The following RRP1 variants were observed in gnomAD, a reference collection of about 807,000 sequenced individuals.
The protein encoded by RRP1 is ribosomal RNA processing 1.
Under a neutral mutation model 54.6 loss-of-function variants are expected in RRP1, and 37 were observed. The observed-to-expected ratio is 0.68, with a 90% CI of 0.52 to 0.89. The LOEUF is 0.89. RRP1 is among the 40% of genes least tolerant of loss of function. The probability of loss-of-function intolerance (pLI) is 0.00; values close to 1 mark genes in which losing one functional copy is unlikely to be tolerated. For missense variants in RRP1, 639 were observed against 612.5 expected (o/e 1.04, Z -0.46); for synonymous variants, 262 against 244.3 (o/e 1.07, Z -0.67).
rs772094375 is a variant in RRP1, at chr21:43,802,361, G to A, written c.1097G>A (p.Arg366His). The A allele has an allele frequency of 2.7e-5, 44 of 1,613,822 alleles. No individual in the cohort carries two copies. Among genetic ancestry groups the A allele is most frequent in the Admixed American group, 6.7e-5 (4 of 60,008 alleles). Reference protein sequence around the residue: ...RRQKKTKKQKRLLRLQQERGK... With the variant: ...RRQKKTKKQKHLLRLQQERGK... ...CAGAAGAAGACGAAGAAGCAGAAGC[G>A]TCTGCTCAGGTTGCAGCAGGAGAGA... The change falls in exon 12 of 13, where the codon CGT becomes CAT. Residue 366 changes from arginine to histidine, a missense_variant. Transcript: ENST00000497547.
chr21:43,797,683 C>T lies in RRP1; in HGVS notation c.605C>T (p.Ala202Val), dbSNP rs1418904506. Residue 202 changes from alanine to valine, a missense_variant, in exon 7 of 13, where the codon GCC (alanine) becomes GTC (valine). Physicochemically the swap from Ala to Val is moderately conservative, Grantham distance 64 (BLOSUM62 0). Transcript: ENST00000497547. ...ATCGACCCCTTCTGCAGAATTGCTGCCCGGACCAAGGAGTAAGTGGTGGGT... is the reference window on the plus strand; with the variant it reads ...ATCGACCCCTTCTGCAGAATTGCTGTCCGGACCAAGGAGTAAGTGGTGGGT... ...KFIDPFCRIAARTKDSLVLNN... is the reference protein window; with the variant it reads ...KFIDPFCRIAVRTKDSLVLNN... The T allele has an allele frequency of 6.2e-7, 1 of 1,613,740 alleles. No homozygotes were observed. The highest frequency in any genetic ancestry group is 1.3e-5 in the African/African-American group (1 of 74,914).
chr21:43,791,897 T>C (rs1476168118), intron 2 of RRP1, among the ~76,000 whole-genome samples: 2 of 152,136 alleles, frequency 1.3e-5, no homozygotes, highest in South Asian at 2.1e-4. Context: ...GGGCCTTTGT[T>C]AGGTGAGTCT....
chr21:43,797,709 G>T lies in RRP1; in HGVS notation c.617+14G>T. 1 of 1,612,844 alleles carries T rather than the reference G, an allele frequency of 6.2e-7. No homozygotes were observed. The highest frequency in any genetic ancestry group is 8.5e-7 in the Non-Finnish European group (1 of 1,179,714). ...CCGGACCAAGGAGTAAGTGGTGGGT[G>T]GCCTGATCGGGCCCGACTCCTTCAC... On this transcript the variant is annotated intron_variant, in intron 7 of 12. Coordinates refer to ENST00000497547, the MANE Select transcript of RRP1 (RefSeq NM_003683.6).
chr21:43,797,779 G>T lies in RRP1; in HGVS notation c.617+84G>T, dbSNP rs1273427128. 4.4e-6 allele frequency: 7 copies of T among 1,581,788 alleles called. No individual in the cohort carries two copies. The African/African-American group carries it at 8.1e-5, about 18-fold the overall frequency. On this transcript the variant is annotated intron_variant, in intron 7 of 12. Coordinates refer to ENST00000497547, the MANE Select transcript of RRP1 (RefSeq NM_003683.6). ...GCTGTTGTGGGGGTGCTGCTCCCTC[G>T]AGGGATGAATCTGTCTCAGAGTGGC... is the stretch of plus-strand genomic sequence containing the variant.
intron 11 of RRP1, among the ~76,000 whole-genome samples, chr21:43,801,525 C>T (rs1018513104): frequency 4.6e-5 from 7 of 152,142 alleles, no homozygotes; most frequent in Non-Finnish European, 5.9e-5. Context: ...CCCAGGATGG[C>T]GTGCAGTGGT....
chr21:43,795,275 G>C lies in RRP1; in HGVS notation c.422+25G>C, dbSNP rs553794582. The C allele has an allele frequency of 1.1e-4, 185 of 1,611,804 alleles. 1 individual carries two copies. The highest frequency in any genetic ancestry group is 9.3e-4 in the South Asian group (85 of 91,026). On this transcript the variant is annotated intron_variant, in intron 5 of 12. Coordinates refer to ENST00000497547, the MANE Select transcript of RRP1 (RefSeq NM_003683.6). The stretch of plus-strand genomic sequence containing the variant: ...GGTGGGTGCGCGGCGGGCCTGCTCT[G>C]GGGGGACGCTGTTCTCGGGGACCGC...
chr21:43,799,436 T>TCTCCATTCCC (rs2085059537), intron 8 of RRP1, 134 bp from the exon 9 acceptor site: 1 of 824,964 alleles, frequency 1.2e-6, no homozygotes, highest in Non-Finnish European at 2.0e-6. Context: ...CAGGGTGGGC[T>TCTCCATTCCC]GTCCGTTCCC....
chr21:43,789,612 G>A lies in RRP1; in HGVS notation c.-18G>A, dbSNP rs200848950. On this transcript the variant is annotated 5_prime_UTR_variant, in exon 1 of 13. Transcript: ENST00000497547. Reference sequence around the variant, plus strand: ...GTACCAGGCGACTCCGGGACAGGGGGTCTCGGCCGTCGGCGTCATGGTTTC... The same window carrying A: ...GTACCAGGCGACTCCGGGACAGGGGATCTCGGCCGTCGGCGTCATGGTTTC... 3.2e-4 allele frequency: 508 copies of A among 1,585,594 alleles called. 1 individual carries two copies. In the African/African-American group the frequency reaches 6.3e-3, roughly 20 times the overall value.
At chr21:43,790,918 T>C in intron 1 of RRP1, 1 of 446,796 alleles carries the variant, frequency 2.2e-6, no homozygotes, top group South Asian at 1.6e-5. Flanking sequence ...TCTCGTAGTC[T>C]GAATGCCTGA....
intron 12 of RRP1, 57 bp downstream of exon 12, chr21:43,802,444 C>A: frequency 7.0e-7 from 1 of 1,431,188 alleles, no homozygotes. Context: ...CTTGCTTCTC[C>A]CCTGGATGGG....
At chr21:43,792,342 G>A (rs911216960) in intron 2 of RRP1, among the ~76,000 whole-genome samples, 6 of 152,180 alleles carry the variant, frequency 3.9e-5, no homozygotes, top group African/African-American at 1.2e-4. Context: ...GCTCCCTTCC[G>A]CTCTCCCACG....
At chr21:43,794,106 G>A (rs1324204396) in intron 4 of RRP1, among the ~76,000 whole-genome samples, 1 of 152,186 alleles carries the variant, frequency 6.6e-6, no homozygotes, top group East Asian at 1.9e-4. Context: ...GAGGACAGAT[G>A]TTGATCTGCC....
chr21:43,799,006 G>A (rs542678233), intron 8 of RRP1, among the ~76,000 whole-genome samples: 1 of 149,234 alleles, frequency 6.7e-6, no homozygotes, highest in African/African-American at 2.5e-5. Flanking sequence ...TGGCAGGTCC[G>A]CTAGTGCCTG....
intron 5 of RRP1, 197 bp from the exon 6 acceptor site, chr21:43,797,225 C>T (rs1483190102): frequency 1.2e-6 from 1 of 818,712 alleles, no homozygotes; most frequent in African/African-American, 1.7e-5. Flanking sequence ...TCCCTAACTG[C>T]AAGACTGCCT....
rs2085044769 is a variant in RRP1, at chr21:43,798,239, G to A, written c.811+139G>A. 9.6e-5 allele frequency: 70 copies of A among 727,674 alleles called. 2 individuals are homozygous for A. The South Asian group carries it at 1.4e-3, about 14-fold the overall frequency. 45.1% of individuals were successfully genotyped at this position (727,674 alleles called of 1,614,324 possible). A position where few individuals can be genotyped will look rare whatever the true frequency, so the allele number is the denominator to read the frequency against. On this transcript the variant is annotated intron_variant, in intron 8 of 12. Coordinates refer to ENST00000497547, the MANE Select transcript of RRP1 (RefSeq NM_003683.6). Reference sequence around the variant, plus strand: ...CTCTCCACAGTCCATCCTCAGCATAGAAGCCAGAGTGACTTCTGTGGGCAC... The same window carrying A: ...CTCTCCACAGTCCATCCTCAGCATAAAAGCCAGAGTGACTTCTGTGGGCAC...
intron 4 of RRP1, among the ~76,000 whole-genome samples, chr21:43,793,798 C>A (rs1187050861): frequency 6.6e-6 from 1 of 152,194 alleles, no homozygotes; most frequent in African/African-American, 2.4e-5. Flanking sequence ...GCCTGCGAGG[C>A]TGGGATGGAT....
At chr21:43,789,838 C>CT (rs2084938330) in intron 1 of RRP1, 76 bp downstream of exon 1, 1 of 1,401,240 alleles carries the variant, frequency 7.1e-7, no homozygotes. Flanking sequence ...GCGGCCGGAG[C>CT]TGGGGGCCCT....
intron 9 of RRP1, among the ~76,000 whole-genome samples, chr21:43,800,100 A>G (rs961962687): frequency 1.3e-5 from 2 of 152,238 alleles, no homozygotes; most frequent in Non-Finnish European, 2.9e-5. Context: ...GGAAACTTAA[A>G]TGTTTTAAGT....
At position 43,800,562 on chromosome 21, in the gene RRP1, C is replaced by A; in HGVS notation, c.937C>A (p.Arg313Ser). 1 of 1,614,266 alleles carries A rather than the reference C, an allele frequency of 6.2e-7. No homozygotes were observed. Among genetic ancestry groups the A allele is most frequent in the Non-Finnish European group, 8.5e-7 (1 of 1,180,048 alleles). The part of the protein sequence containing the change: ...VANRLFEMAS[R>S]QSTPSQNRKR... The stretch of plus-strand genomic sequence containing the variant: ...TAACAGACTGTTTGAAATGGCCAGC[C>A]GCCAGAGCACCCCTTCTCAGAACAG... Residue 313 changes from arginine to serine, a missense_variant, in exon 10 of 13, where the codon CGC becomes AGC. Arg to Ser is a moderately radical substitution (Grantham distance 110). Coordinates refer to ENST00000497547, the MANE Select transcript of RRP1 (RefSeq NM_003683.6).
Sources: gnomAD v4.1 joint callset for allele counts (sites outside exome capture counted in the v4.1 genomes callset) on GRCh38, gnomAD v4.1.1 for gene constraint, MANE v1.5 for transcripts, NCBI Gene and HGNC (gene_info 2026-07-23, HGNC 2026-07-21) for gene names.